The following CFHR5 variants were observed in gnomAD, a reference collection of about 807,000 sequenced individuals.
The protein encoded by CFHR5 is complement factor H-related protein 5.
CFHR5 carries 73 observed loss-of-function variants against 62.9 expected under a neutral mutation model. The ratio of observed to expected loss-of-function variants is 1.16; its 90% CI spans 0.96 to 1.41. CFHR5 has a LOEUF of 1.41. Among genes scored for constraint, CFHR5 ranks in the 40% most tolerant of loss-of-function variants. The pLI, the probability that CFHR5 is intolerant of heterozygous loss-of-function variation, is 0.00. For synonymous variants in CFHR5, 249 were observed against 227.2 expected (o/e 1.10, Z -0.86); for missense variants, 779 against 679.9 (o/e 1.15, Z -1.62).
intron 1 of CFHR5, among the ~76,000 whole-genome samples, chr1:196,980,161 G>T (rs1228526163): frequency 1.3e-5 from 2 of 152,026 alleles, no homozygotes; most frequent in Non-Finnish European, 2.9e-5. Flanking sequence ...GCAGTAACAT[G>T]CATGGAGCTG....
At chr1:196,992,047 G>T (rs550391216) in intron 3 of CFHR5, among the ~76,000 whole-genome samples, 43 of 152,340 alleles carry the variant, frequency 2.8e-4, no homozygotes, top group African/African-American at 7.9e-4. Flanking sequence ...TCTCTGCCCA[G>T]TTCAAGCTTT....
chr1:196,998,036 G>C, intron 6 of CFHR5, 92 bp from the exon 7 acceptor site: 1 of 823,508 alleles, frequency 1.2e-6, no homozygotes. Context: ...TTGTGATGTT[G>C]CTTAAAAGCA....
At chr1:196,994,892 C>G (rs1653948308) in intron 4 of CFHR5, among the ~76,000 whole-genome samples, 1 of 152,010 alleles carries the variant, frequency 6.6e-6, no homozygotes, top group South Asian at 2.1e-4. Context: ...GCAGGGAAAC[C>G]TCCCTTTATA....
At chr1:196,984,244 A>T (rs1653623571) in intron 3 of CFHR5, 107 bp downstream of exon 3, 4 of 979,594 alleles carry the variant, frequency 4.1e-6, no homozygotes, top group Non-Finnish European at 6.2e-6. Flanking sequence ...TACTTCTATC[A>T]TTATTTATTT....
At position 196,983,952 on chromosome 1, in the gene CFHR5, GT is replaced by G. The variant is rs1384316832; in HGVS notation, c.254-7del. The G allele has an allele frequency of 1.9e-6, 3 of 1,597,836 alleles. No homozygotes were observed. In the African/African-American group the frequency reaches 4.0e-5, roughly 21 times the overall value. On this transcript the variant is annotated splice_polypyrimidine_tract_variant and splice_region_variant and intron_variant, in intron 2 of 9. Coordinates refer to ENST00000256785, the MANE Select transcript of CFHR5 (RefSeq NM_030787.4). ...CCATCTTGTACATTAATCAATTTTT[GT>G]TCCTTAGGAATGTGTTCCTTTCCTT...
At chr1:197,002,721 C>T (rs1654187156) in intron 8 of CFHR5, 57 bp downstream of exon 8, 1 of 1,390,124 alleles carries the variant, frequency 7.2e-7, no homozygotes, top group Non-Finnish European at 1.0e-6. Context: ...ATCCCCTTTG[C>T]TTTATCTAAA....
chr1:197,000,761 C>T (rs900788064), intron 7 of CFHR5, among the ~76,000 whole-genome samples: 2 of 152,004 alleles, frequency 1.3e-5, no homozygotes, highest in East Asian at 1.9e-4. Flanking sequence ...ATCTTTGTGA[C>T]TATGTATTTA....
At chr1:197,001,776 C>T (rs1654161081) in intron 7 of CFHR5, among the ~76,000 whole-genome samples, 1 of 136,140 alleles carries the variant, frequency 7.3e-6, no homozygotes, top group East Asian at 2.2e-4. Context: ...TTGTTCAATT[C>T]CCACCATTTT....
chr1:196,999,718 T>C (rs867182989), intron 7 of CFHR5, among the ~76,000 whole-genome samples: 45 of 45,258 alleles, frequency 9.9e-4, no homozygotes, highest in South Asian at 1.9e-3. Context: ...TATATATATA[T>C]ATATACACAC....
At chr1:196,988,667 A>T (rs1653760522) in intron 3 of CFHR5, among the ~76,000 whole-genome samples, 1 of 152,180 alleles carries the variant, frequency 6.6e-6, no homozygotes, top group Admixed American at 6.6e-5. Flanking sequence ...GTGATGGATT[A>T]CATTTATTAG....
intron 3 of CFHR5, among the ~76,000 whole-genome samples, chr1:196,992,517 C>G (rs978586855): frequency 3.9e-5 from 6 of 152,172 alleles, no homozygotes; most frequent in Non-Finnish European, 7.3e-5. Context: ...TTGGCTCCCC[C>G]TCCATGGACT....
At chr1:196,984,184 TA>T in intron 3 of CFHR5, 47 bp downstream of exon 3, 1 of 1,471,704 alleles carries the variant, frequency 6.8e-7, no homozygotes, top group Non-Finnish European at 9.5e-7. Context: ...TTTAAAGAAA[TA>T]AATCTATAGT....
rs1344011418 is a variant in CFHR5 at position 196,995,698 on chromosome 1, T to G, written c.608-19T>G. ...CTTATAAGACCATTTAAGCATTATT[T>G]ATGGTTTCTTTATAATAGGACAAGT... On this transcript the variant is annotated intron_variant, in intron 4 of 9. Coordinates refer to ENST00000256785, the MANE Select transcript of CFHR5 (RefSeq NM_030787.4). 1 of 1,602,176 alleles carries G rather than the reference T, an allele frequency of 6.2e-7. No homozygotes were observed. Among genetic ancestry groups the G allele is most frequent in the Non-Finnish European group, 8.6e-7 (1 of 1,169,520 alleles).
rs944412694 is a variant in CFHR5 at position 196,990,196 on chromosome 1, C to CT, written c.431-3874dup. On this transcript the variant is annotated intron_variant, in intron 3 of 9. Coordinates refer to ENST00000256785, the MANE Select transcript of CFHR5 (RefSeq NM_030787.4). ...TCAGAGGCTAGGATTACAACCCCTG[C>CT]TTTTTTTTTTCCTTTCCATTTGCTT... Among the ~76,000 whole-genome samples the CT allele has an allele frequency of 4.2e-4, 63 of 149,036 alleles. 1 individual carries two copies. Among genetic ancestry groups the CT allele is most frequent in the East Asian group, 2.9e-3 (15 of 5,090 alleles).
Position 196,977,621 on chromosome 1 carries a change from A to C in CFHR5, c.-44A>C, listed in dbSNP as rs1467075210. 5 of 1,456,306 alleles carry C rather than the reference A, an allele frequency of 3.4e-6. No homozygotes were observed. The highest frequency in any genetic ancestry group is 3.9e-6 in the Non-Finnish European group (4 of 1,036,900). 90.2% of individuals were successfully genotyped at this position (1,456,306 alleles called of 1,614,324 possible). ...AAAGCAGATTTAAAGCAACACCACCATCACTGGAGTATTTTTAGTTATATA... is the reference window on the plus strand; with the variant it reads ...AAAGCAGATTTAAAGCAACACCACCCTCACTGGAGTATTTTTAGTTATATA... On this transcript the variant is annotated 5_prime_UTR_variant, in exon 1 of 10. Coordinates refer to ENST00000256785, the MANE Select transcript of CFHR5 (RefSeq NM_030787.4).
At chr1:196,981,988 G>C (rs934935492) in intron 1 of CFHR5, among the ~76,000 whole-genome samples, 1 of 151,100 alleles carries the variant, frequency 6.6e-6, no homozygotes, top group Non-Finnish European at 1.5e-5. Context: ...TTTTATCTCG[G>C]TTGAGTTGTT....
chr1:196,993,683 T>C (rs927295821), intron 3 of CFHR5, among the ~76,000 whole-genome samples: 4 of 151,734 alleles, frequency 2.6e-5, no homozygotes, highest in African/African-American at 9.7e-5. Context: ...CTTGAAGGAA[T>C]TTTTTGTGAT....
chr1:196,990,607 T>A (rs866781130), intron 3 of CFHR5, among the ~76,000 whole-genome samples: 1 of 152,274 alleles, frequency 6.6e-6, no homozygotes, highest in South Asian at 2.1e-4. Flanking sequence ...CTGTAAAGGA[T>A]TTTAATTCTT....
At chr1:196,983,628 T>C (rs1571512668) in intron 2 of CFHR5, among the ~76,000 whole-genome samples, 1 of 152,084 alleles carries the variant, frequency 6.6e-6, no homozygotes, top group African/African-American at 2.4e-5. Flanking sequence ...ACAAAGGAGA[T>C]AGTAATGGTC....
Sources: allele counts gnomAD v4.1 joint callset (sites outside exome capture counted in the v4.1 genomes callset), GRCh38; gene constraint gnomAD v4.1.1; transcripts MANE v1.5; gene names NCBI Gene and HGNC (gene_info 2026-07-23, HGNC 2026-07-21).